ANKS1B: variants seen among roughly 807,000 people sequenced by gnomAD.
ANKS1B encodes the protein ankyrin repeat and sterile alpha motif domain containing 1B.
In ANKS1B, 36 loss-of-function variants were observed where a neutral mutation model predicts 148.3. The observed-to-expected ratio is 0.24, with a 90% CI of 0.19 to 0.32. The LOEUF (loss-of-function observed/expected upper bound fraction) is 0.32. Ranked by LOEUF, ANKS1B falls within the 10% of genes least tolerant of loss-of-function variation. The pLI is 1.00. For synonymous variants in ANKS1B, 542 were observed against 560.8 expected (o/e 0.97, Z 0.47); for missense variants, 1,157 against 1,542.6 (o/e 0.75, Z 4.19).
chr12:98,892,391 T>C (rs968294582), intron 17 of ANKS1B, among the ~76,000 whole-genome samples: 1 of 152,206 alleles, frequency 6.6e-6, no homozygotes, highest in African/African-American at 2.4e-5. Flanking sequence ...AATAATAACA[T>C]CATAAACGAT....
At chr12:99,810,905 T>C (rs2068271945) in intron 3 of ANKS1B, among the ~76,000 whole-genome samples, 2 of 152,042 alleles carry the variant, frequency 1.3e-5, no homozygotes, top group South Asian at 4.1e-4. Context: ...GCTCATCTCA[T>C]AAATGATCTA....
intron 17 of ANKS1B, among the ~76,000 whole-genome samples, chr12:98,873,941 C>G (rs1219218690): frequency 6.6e-6 from 1 of 152,072 alleles, no homozygotes; most frequent in Non-Finnish European, 1.5e-5. Flanking sequence ...AGTCACAAAA[C>G]CCTGGAATGG....
chr12:99,633,907 T>A (rs568833815), intron 9 of ANKS1B, among the ~76,000 whole-genome samples: 1 of 152,306 alleles, frequency 6.6e-6, no homozygotes, highest in African/African-American at 2.4e-5. Context: ...ATGTCTACCA[T>A]ATGCCTGTAT....
chr12:99,160,098 A>C (rs1163556118), intron 14 of ANKS1B, among the ~76,000 whole-genome samples: 1 of 152,038 alleles, frequency 6.6e-6, no homozygotes, highest in Non-Finnish European at 1.5e-5. Flanking sequence ...TCAATTGTTT[A>C]AGTTCCTTAT....
intron 14 of ANKS1B, among the ~76,000 whole-genome samples, chr12:99,232,478 G>T (rs759599223): frequency 1.3e-5 from 2 of 152,184 alleles, no homozygotes; most frequent in African/African-American, 2.4e-5. Flanking sequence ...TGTGAAGCCT[G>T]AGCGCTTGAT....
At chr12:99,157,064 T>G (rs1566508911) in intron 14 of ANKS1B, among the ~76,000 whole-genome samples, 5 of 152,360 alleles carry the variant, frequency 3.3e-5, no homozygotes. Context: ...CTGGGTGGAC[T>G]GCATAGTACT....
chr12:99,117,855 A>G (rs2061777649), intron 15 of ANKS1B, among the ~76,000 whole-genome samples: 1 of 152,220 alleles, frequency 6.6e-6, no homozygotes, highest in Non-Finnish European at 1.5e-5. Flanking sequence ...TAGGCTATTA[A>G]TTACTGCCTC....
At chr12:99,555,327 T>C (rs1432664821) in intron 9 of ANKS1B, among the ~76,000 whole-genome samples, 2 of 152,320 alleles carry the variant, frequency 1.3e-5, no homozygotes, top group Non-Finnish European at 2.9e-5. Flanking sequence ...TTATCAGTTC[T>C]AGGAGCTTTT....
At chr12:99,589,115 A>C (rs2097674072) in intron 9 of ANKS1B, among the ~76,000 whole-genome samples, 1 of 152,170 alleles carries the variant, frequency 6.6e-6, no homozygotes, top group Admixed American at 6.5e-5. Context: ...CTGAGTAGAG[A>C]AGACCTGAAA....
chr12:99,335,387 A>T (rs568382908), intron 12 of ANKS1B, among the ~76,000 whole-genome samples: 1 of 152,010 alleles, frequency 6.6e-6, no homozygotes, highest in African/African-American at 2.4e-5. Flanking sequence ...GTTACTTTTA[A>T]GTATACAATA....
intron 8 of ANKS1B, among the ~76,000 whole-genome samples, chr12:99,679,588 G>A (rs1214589922): frequency 6.6e-6 from 1 of 152,144 alleles, no homozygotes; most frequent in Non-Finnish European, 1.5e-5. Context: ...GGGATAACAG[G>A]TGTGGGCTAC....
intron 12 of ANKS1B, among the ~76,000 whole-genome samples, chr12:99,251,463 A>C (rs2074585033): frequency 6.6e-6 from 1 of 152,224 alleles, no homozygotes; most frequent in African/African-American, 2.4e-5. Context: ...GAAAATATAC[A>C]GATTAAACTG....
chr12:99,347,969 A>G (rs1232487519), intron 12 of ANKS1B, among the ~76,000 whole-genome samples: 1 of 151,956 alleles, frequency 6.6e-6, no homozygotes, highest in Non-Finnish European at 1.5e-5. Context: ...TATGAAACCA[A>G]TGTCTCACCA....
At chr12:99,677,750 G>C (rs537573815) in intron 8 of ANKS1B, among the ~76,000 whole-genome samples, 2 of 152,010 alleles carry the variant, frequency 1.3e-5, no homozygotes, top group Non-Finnish European at 2.9e-5. Context: ...GAGGCTGGCA[G>C]ATCACGAGGT....
chr12:99,026,066 A>G (rs2099948560), intron 17 of ANKS1B, among the ~76,000 whole-genome samples: 1 of 152,230 alleles, frequency 6.6e-6, no homozygotes, highest in Non-Finnish European at 1.5e-5. Context: ...CTAGGTTGAC[A>G]TAGTATAAAA....
At chr12:99,871,758 G>A (rs1054212438) in intron 1 of ANKS1B, among the ~76,000 whole-genome samples, 5 of 152,064 alleles carry the variant, frequency 3.3e-5, no homozygotes, top group Admixed American at 6.6e-5. Context: ...TTTCCACATT[G>A]ATTTCATATC....
intron 1 of ANKS1B, among the ~76,000 whole-genome samples, chr12:99,940,767 G>A (rs1378758223): frequency 6.6e-6 from 1 of 152,104 alleles, no homozygotes; most frequent in Non-Finnish European, 1.5e-5. Flanking sequence ...ACAAAGCAAA[G>A]CATGAGATGA....
At chr12:99,065,027 A>G (rs1255298774) in intron 16 of ANKS1B, among the ~76,000 whole-genome samples, 2 of 152,178 alleles carry the variant, frequency 1.3e-5, no homozygotes, top group Non-Finnish European at 2.9e-5. Flanking sequence ...ATTAAAGATG[A>G]ACAGAGGATT....
chr12:99,108,871 G>C (rs553194588), intron 15 of ANKS1B, among the ~76,000 whole-genome samples: 2 of 152,276 alleles, frequency 1.3e-5, no homozygotes, highest in South Asian at 4.1e-4. Context: ...AGAGAGCAAA[G>C]ATGAGAACTC....
Sources: allele counts gnomAD v4.1 joint callset (sites outside exome capture counted in the v4.1 genomes callset), GRCh38; gene constraint gnomAD v4.1.1; transcripts MANE v1.5; gene names NCBI Gene and HGNC (gene_info 2026-07-23, HGNC 2026-07-21).